TENM3: variants seen among roughly 807,000 people sequenced by gnomAD.
TENM3 encodes teneurin transmembrane protein 3, also known as teneurin-3.
Under a neutral mutation model 255.1 loss-of-function variants are expected in TENM3, and 63 were observed. The ratio of observed to expected loss-of-function variants is 0.25; its 90% confidence interval spans 0.20 to 0.30. TENM3 has a LOEUF of 0.30. Among genes scored for constraint, TENM3 ranks in the 10% least tolerant of loss-of-function variants. The pLI is 1.00. For synonymous variants in TENM3, 1,306 were observed against 1,322.3 expected, an observed-to-expected ratio of 0.99 and a Z score of 0.27; for missense variants, 2,929 against 3,461.1, an observed-to-expected ratio of 0.85 and a Z score of 3.86.
intron 1 of TENM3, among the ~76,000 whole-genome samples, chr4:182,259,357 G>C (rs59634076): frequency 0.071 from 10,844 of 152,204 alleles, 488 homozygotes; most frequent in African/African-American, 0.11. Flanking sequence ...CTGTCATCCA[G>C]GCTGGAGTGT....
chr4:182,429,833 G>A (rs1359659113), intron 3 of TENM3, among the ~76,000 whole-genome samples: 1 of 152,182 alleles, frequency 6.6e-6, no homozygotes, highest in Non-Finnish European at 1.5e-5. Flanking sequence ...CTGCCTTTGA[G>A]ATCTTACTAG....
chr4:182,544,958 C>T (rs6847663), intron 3 of TENM3, among the ~76,000 whole-genome samples: 46,125 of 152,066 alleles, frequency 0.3, 7,358 homozygotes, highest in Non-Finnish European at 0.35. Flanking sequence ...CATCAATCAG[C>T]GCATCAAAAT....
At chr4:182,292,002 A>G (rs1761162362) in intron 1 of TENM3, among the ~76,000 whole-genome samples, 1 of 152,134 alleles carries the variant, frequency 6.6e-6, no homozygotes, top group African/African-American at 2.4e-5. Flanking sequence ...AAGGACCCAT[A>G]AAAAAGTTTT....
the TENM3 span, among the ~76,000 whole-genome samples, chr4:181,599,784 A>T: frequency 7.2e-5 from 11 of 152,190 alleles, no homozygotes; most frequent in Non-Finnish European, 8.8e-5. Context: ...ATTAAATAAT[A>T]CTTGCTTCAT....
the TENM3 span, among the ~76,000 whole-genome samples, chr4:181,589,813 C>T: frequency 3.8e-3 from 580 of 152,236 alleles, 2 homozygotes; most frequent in Middle Eastern, 6.8e-3. Context: ...TAATAAAGAC[C>T]GTACGTGATT....
At chr4:181,966,291 G>C in the TENM3 span, among the ~76,000 whole-genome samples, 1 of 152,094 alleles carries the variant, frequency 6.6e-6, no homozygotes, top group Non-Finnish European at 1.5e-5. Flanking sequence ...GGGGTGGTGG[G>C]GATGAAAAAA....
At chr4:182,134,533 G>A in the TENM3 span, among the ~76,000 whole-genome samples, 3 of 152,030 alleles carry the variant, frequency 2.0e-5, no homozygotes, top group Non-Finnish European at 4.4e-5. Context: ...TCTTATCCAA[G>A]GATAAAAGAG....
the TENM3 span, among the ~76,000 whole-genome samples, chr4:181,858,134 C>G: frequency 6.6e-6 from 1 of 152,286 alleles, no homozygotes; most frequent in African/African-American, 2.4e-5. Flanking sequence ...GGTCCCACTC[C>G]GTCACCCAGG....
the TENM3 span, among the ~76,000 whole-genome samples, chr4:182,100,336 T>G: frequency 6.6e-6 from 1 of 151,450 alleles, no homozygotes; most frequent in Non-Finnish European, 1.5e-5. Context: ...GCATGGTGGC[T>G]GACACCTGTA....
the TENM3 span, among the ~76,000 whole-genome samples, chr4:182,074,150 C>T: frequency 6.6e-6 from 1 of 152,128 alleles, no homozygotes; most frequent in Non-Finnish European, 1.5e-5. Flanking sequence ...TTTACAAGGG[C>T]CAAATCATTT....
At chr4:182,747,577 C>T (rs973594892) in intron 19 of TENM3, among the ~76,000 whole-genome samples, 4 of 152,172 alleles carry the variant, frequency 2.6e-5, no homozygotes, top group Non-Finnish European at 5.9e-5. Context: ...AGTTTTACCT[C>T]ATCCTTGTTC....
the TENM3 span, among the ~76,000 whole-genome samples, chr4:181,495,916 A>AAAG: frequency 5.3e-5 from 8 of 151,174 alleles, no homozygotes; most frequent in East Asian, 1.9e-4. Context: ...AAAAAAAAAA[A>AAAG]AAAAAAGAAA....
intron 24 of TENM3, among the ~76,000 whole-genome samples, chr4:182,788,205 G>A (rs77688914): frequency 2.0e-5 from 3 of 152,102 alleles, no homozygotes; most frequent in African/African-American, 7.2e-5. Flanking sequence ...TCCCACAAAG[G>A]TGCTGTAGAA....
At chr4:182,749,540 G>A (rs1015613383) in intron 19 of TENM3, among the ~76,000 whole-genome samples, 13 of 152,124 alleles carry the variant, frequency 8.5e-5, no homozygotes, top group African/African-American at 2.4e-4. Context: ...TGTAGTATGC[G>A]CTAGGCCCTG....
chr4:181,550,539 G>C, the TENM3 span, among the ~76,000 whole-genome samples: 18,921 of 152,146 alleles, frequency 0.12, 1,348 homozygotes, highest in Middle Eastern at 0.24. Context: ...TGTTGCTCAG[G>C]TCCAGTGCAT....
chr4:182,621,719 ATTATAT>A lies in TENM3; in HGVS notation c.750-6931_750-6926del, dbSNP rs1288012524. 3.8e-4 allele frequency among the ~76,000 whole-genome samples: 28 copies of A among 73,726 alleles called. 1 individual carries two copies. The East Asian group carries it at 0.01, about 26-fold the overall frequency. The allele number at this position is 73,726 out of a possible 152,430, so 48.4% of individuals were successfully genotyped here. ...ATTATATATAAAATATATAATATAT[ATTATAT>A]ATAAAATATATAATATATAATATAT... On this transcript the variant is annotated intron_variant, in intron 4 of 27. Coordinates refer to ENST00000511685, the MANE Select transcript of TENM3 (RefSeq NM_001080477.4).
chr4:181,784,161 T>G, the TENM3 span, among the ~76,000 whole-genome samples: 3 of 45,216 alleles, frequency 6.6e-5, no homozygotes, highest in South Asian at 6.4e-4. Flanking sequence ...GAGTCATCTG[T>G]TTTTTTTTTT....
At chr4:181,606,247 C>T in the TENM3 span, among the ~76,000 whole-genome samples, 1 of 152,150 alleles carries the variant, frequency 6.6e-6, no homozygotes, top group Non-Finnish European at 1.5e-5. Context: ...GCCAAAGGGA[C>T]AGTCAATGTC....
the TENM3 span, among the ~76,000 whole-genome samples, chr4:182,091,507 C>T: frequency 6.6e-6 from 1 of 152,150 alleles, no homozygotes; most frequent in African/African-American, 2.4e-5. Flanking sequence ...GTTTTGAGAT[C>T]TAGGAGCTCA....
Sources: gnomAD v4.1 joint callset for allele counts (sites outside exome capture counted in the v4.1 genomes callset) on GRCh38, gnomAD v4.1.1 for gene constraint, MANE v1.5 for transcripts, NCBI Gene and HGNC (gene_info 2026-07-23, HGNC 2026-07-21) for gene names.